Variants in GPR139 observed in about 807,000 individuals in gnomAD.
GPR139 encodes the protein G protein-coupled receptor 139.
Under a neutral mutation model 25.8 loss-of-function variants are expected in GPR139, and 12 were observed. The ratio of observed to expected loss-of-function variants is 0.47; its 90% CI spans 0.30 to 0.75. GPR139 has a LOEUF of 0.75. Among genes scored for constraint, GPR139 ranks in the 30% least tolerant of loss-of-function variants. The pLI is 0.07. For synonymous variants in GPR139, 184 were observed against 179.9 expected, an observed-to-expected ratio of 1.02 and a Z score of -0.18; for missense variants, 380 against 450.2, an observed-to-expected ratio of 0.84 and a Z score of 1.41.
intron 1 of GPR139, among the ~76,000 whole-genome samples, chr16:20,053,710 A>G (rs559324881): frequency 6.6e-5 from 10 of 152,354 alleles, no homozygotes; most frequent in South Asian, 2.1e-4. Flanking sequence ...TTTCAGAGGT[A>G]TCCTGATTGG....
At chr16:20,046,157 G>T (rs2057353805) in intron 1 of GPR139, among the ~76,000 whole-genome samples, 1 of 152,210 alleles carries the variant, frequency 6.6e-6, no homozygotes, top group Non-Finnish European at 1.5e-5. Context: ...ACAAAATGCA[G>T]CCAACACAAA....
At chr16:20,041,128 A>AGGAG (rs2057329174) in intron 1 of GPR139, among the ~76,000 whole-genome samples, 1 of 34,578 alleles carries the variant, frequency 2.9e-5, no homozygotes, top group Non-Finnish European at 4.9e-5. Context: ...AAGGAAAGGA[A>AGGAG]AGGAGAGGAG....
At chr16:20,062,865 T>G (rs923724764) in intron 1 of GPR139, among the ~76,000 whole-genome samples, 3 of 152,238 alleles carry the variant, frequency 2.0e-5, no homozygotes, top group African/African-American at 7.2e-5. Flanking sequence ...TAACTTTTTT[T>G]CATGCTAAAT....
At chr16:20,056,711 G>T (rs920711506) in intron 1 of GPR139, among the ~76,000 whole-genome samples, 2 of 152,156 alleles carry the variant, frequency 1.3e-5, no homozygotes, top group African/African-American at 2.4e-5. Context: ...GCACATAATA[G>T]GTGGTCAATA....
In GPR139 at chr16:20,073,226, C is replaced by A. The variant is rs1178828226; in HGVS notation, c.127+264G>T. Among the ~76,000 whole-genome samples the A allele has an allele frequency of 2.0e-5, 3 of 151,420 alleles. No homozygotes were observed. The highest frequency in any genetic ancestry group is 2.9e-5 in the Non-Finnish European group (2 of 67,920). On this transcript the variant is annotated intron_variant, in intron 1 of 1. Coordinates refer to ENST00000570682, the MANE Select transcript of GPR139 (RefSeq NM_001002911.4). This position sits in a 1 kb window ranked among gnomAD's most constrained non-coding sequence, Gnocchi z 4.7. Reference sequence around the variant, plus strand: ...ACCTTCGAATCCATGCTCACATGCCCAGCCCATCGCCCGCCGTCACAGTCA... The same window carrying A: ...ACCTTCGAATCCATGCTCACATGCCAAGCCCATCGCCCGCCGTCACAGTCA...
intron 1 of GPR139, among the ~76,000 whole-genome samples, chr16:20,061,699 T>G (rs905969295): frequency 2.0e-5 from 3 of 152,206 alleles, no homozygotes; most frequent in African/African-American, 4.8e-5. Context: ...ACTCATACAG[T>G]AAAATTCCCT....
chr16:20,050,474 A>G (rs913418061), intron 1 of GPR139, among the ~76,000 whole-genome samples: 1 of 152,192 alleles, frequency 6.6e-6, no homozygotes, highest in African/African-American at 2.4e-5. Context: ...GGAGTATTTC[A>G]TATCCAGTCC....
rs779232137 is a variant in GPR139 at position 20,032,680 on chromosome 16, A to AT, written c.128-12_128-11insA. ...CTGTCAAGATATTTGCTGTGGAGAG[A>AT]AGAAAAACTGGTTTAGCTCTGAAGC... On this transcript the variant is annotated splice_polypyrimidine_tract_variant and intron_variant, in intron 1 of 1. Coordinates refer to ENST00000570682, the MANE Select transcript of GPR139 (RefSeq NM_001002911.4). 1.3e-6 allele frequency: 2 copies of AT among 1,588,270 alleles called. No individual in the cohort carries two copies. The highest frequency in any genetic ancestry group is 2.3e-5 in the South Asian group (2 of 88,852).
chr16:20,054,420 T>C (rs2057382296), intron 1 of GPR139, among the ~76,000 whole-genome samples: 1 of 152,134 alleles, frequency 6.6e-6, no homozygotes, highest in Non-Finnish European at 1.5e-5. Context: ...TCAGTTTTTT[T>C]TTTTCCAGAC....
At chr16:20,067,256 A>G (rs1332153788) in intron 1 of GPR139, among the ~76,000 whole-genome samples, 1 of 152,232 alleles carries the variant, frequency 6.6e-6, no homozygotes, top group Non-Finnish European at 1.5e-5. Context: ...TCATTGGTCT[A>G]TGCTCATGTC....
At chr16:20,054,099 C>G (rs1331099448) in intron 1 of GPR139, among the ~76,000 whole-genome samples, 3 of 152,118 alleles carry the variant, frequency 2.0e-5, no homozygotes, top group African/African-American at 7.2e-5. Flanking sequence ...TTCTTAGTCC[C>G]TAGCACAGTA....
rs2057290744 is a variant in GPR139, at chr16:20,031,954, G to A, written c.843C>T (p.Asn281=). 1.9e-6 allele frequency: 3 copies of A among 1,614,230 alleles called. No homozygotes were observed. The highest frequency in any genetic ancestry group is 1.3e-5 in the African/African-American group (1 of 75,050). The part of the protein sequence containing the change: ...NMLALLNTAI[N]FFLYCFISKR... ...TGCTGATGAAGCAGTAGAGGAAGAA[G>A]TTGATGGCTGTGTTCAGAAGGGCTA... The change falls in exon 2 of 2, where the codon AAC becomes AAT. Residue 281 remains asparagine (N), a synonymous_variant. Transcript: ENST00000570682.
At chr16:20,044,190 A>G (rs2057346242) in intron 1 of GPR139, among the ~76,000 whole-genome samples, 1 of 152,230 alleles carries the variant, frequency 6.6e-6, no homozygotes, top group South Asian at 2.1e-4. Flanking sequence ...TGAACCAGGC[A>G]AAGGCTCAAT....
At chr16:20,041,592 GA>G (rs1659673232) in intron 1 of GPR139, among the ~76,000 whole-genome samples, 1 of 152,080 alleles carries the variant, frequency 6.6e-6, no homozygotes, top group African/African-American at 2.4e-5. Context: ...ATGCTGACAA[GA>G]CTCAGTGGTC....
chr16:20,064,841 A>G (rs1195410240), intron 1 of GPR139, among the ~76,000 whole-genome samples: 1 of 152,220 alleles, frequency 6.6e-6, no homozygotes, highest in Middle Eastern at 3.2e-3. Context: ...CCATGCTGGC[A>G]GGTTCTAAGG....
chr16:20,044,113 G>T (rs1301681693), intron 1 of GPR139, among the ~76,000 whole-genome samples: 1 of 152,192 alleles, frequency 6.6e-6, no homozygotes, highest in Non-Finnish European at 1.5e-5. Flanking sequence ...CTGGCCTGAA[G>T]AAACCACTCA....
At chr16:20,042,509 C>A (rs542542132) in intron 1 of GPR139, among the ~76,000 whole-genome samples, 1 of 152,274 alleles carries the variant, frequency 6.6e-6, no homozygotes, top group South Asian at 2.1e-4. Context: ...TTACCCTCAA[C>A]TTTGTTTCTC....
intron 1 of GPR139, among the ~76,000 whole-genome samples, chr16:20,038,043 G>A (rs2057316372): frequency 6.7e-6 from 1 of 148,552 alleles, no homozygotes; most frequent in Non-Finnish European, 1.5e-5. Flanking sequence ...TTTTTTTTAA[G>A]TAGAGATGGG....
At chr16:20,063,743 G>T (rs962288029) in intron 1 of GPR139, among the ~76,000 whole-genome samples, 1 of 152,156 alleles carries the variant, frequency 6.6e-6, no homozygotes, top group African/African-American at 2.4e-5. Flanking sequence ...TACTCCTTTT[G>T]CTTCCTCCTA....
Sources: allele counts gnomAD v4.1 joint callset (sites outside exome capture counted in the v4.1 genomes callset), GRCh38; gene constraint gnomAD v4.1.1; non-coding constraint Gnocchi (gnomAD v3.1); transcripts MANE v1.5; gene names NCBI Gene and HGNC (gene_info 2026-07-23, HGNC 2026-07-21).